The following SLC23A2 variants were observed in gnomAD, a reference collection of about 807,000 sequenced individuals.
SLC23A2 encodes the protein Na(+)/L-ascorbic acid transporter 2.
SLC23A2 carries 36 observed loss-of-function variants against 73.3 expected under a neutral mutation model. The observed-to-expected ratio is 0.49, with a 90% confidence interval of 0.38 to 0.65. The LOEUF is 0.65. SLC23A2 is among the 30% of genes least tolerant of loss of function. The pLI, the probability that SLC23A2 is intolerant of heterozygous loss-of-function variation, is 0.00. For missense variants in SLC23A2, 507 were observed against 841.6 expected (o/e 0.60, Z 4.92); for synonymous variants, 343 against 327.3 (o/e 1.05, Z -0.52).
rs563727065 is a variant in SLC23A2 at position 4,994,709 on chromosome 20, C to A, written c.-282+6697G>T. On this transcript the variant is annotated intron_variant, in intron 1 of 16. Coordinates refer to ENST00000338244, the MANE Select transcript of SLC23A2 (RefSeq NM_005116.6). Reference sequence around the variant, plus strand: ...CCATGAGGCGGAGGTTTCAGTGAGCCGATATCGCACCACTGCACTCCAGCC... The same window carrying A: ...CCATGAGGCGGAGGTTTCAGTGAGCAGATATCGCACCACTGCACTCCAGCC... Among the ~76,000 whole-genome samples the A allele has an allele frequency of 2.4e-4, 37 of 151,662 alleles. No individual in the cohort carries two copies. In the South Asian group the frequency reaches 7.1e-3, roughly 29 times the overall value.
intron 6 of SLC23A2, among the ~76,000 whole-genome samples, chr20:4,890,437 G>A (rs1600103771): frequency 6.6e-6 from 1 of 152,138 alleles, no homozygotes; most frequent in East Asian, 1.9e-4. Flanking sequence ...AGGATAACCT[G>A]AGGTCATGAG....
At chr20:4,925,005 C>T (rs568206818) in intron 3 of SLC23A2, among the ~76,000 whole-genome samples, 49 of 152,082 alleles carry the variant, frequency 3.2e-4, no homozygotes, top group African/African-American at 1.2e-3. Context: ...ATAGTTAAGA[C>T]CTTGTCTCTA....
At chr20:4,992,676 A>T (rs1289989539) in intron 1 of SLC23A2, among the ~76,000 whole-genome samples, 2 of 151,522 alleles carry the variant, frequency 1.3e-5, no homozygotes, top group Non-Finnish European at 2.9e-5. Flanking sequence ...ATGCCGGGCT[A>T]ATTTTGTATT....
intron 2 of SLC23A2, among the ~76,000 whole-genome samples, chr20:4,963,882 A>C (rs72550901): frequency 1.8e-4 from 28 of 152,310 alleles, no homozygotes; most frequent in African/African-American, 6.0e-4. Context: ...CAGAAATAAA[A>C]TAAAATGTAC....
chr20:4,861,106 G>A (rs112864829), intron 15 of SLC23A2, among the ~76,000 whole-genome samples: 6,084 of 152,282 alleles, frequency 0.04, 169 homozygotes, highest in Middle Eastern at 0.058. Flanking sequence ...AACATGCTAA[G>A]TGAAGGAAGC....
At position 4,899,483 on chromosome 20, in the gene SLC23A2, C is replaced by A. The variant is rs1006475791; in HGVS notation, c.482+72G>T. On this transcript the variant is annotated intron_variant, in intron 6 of 16. Transcript: ENST00000338244. The surrounding 1 kb of genome is among the most constrained non-coding windows in gnomAD (Gnocchi z 4.9). ...CTTGCCAACAGCCCTAGGCAAACGG[C>A]GCAGCTCAATGCCTTCTGCGCTCAA... is the stretch of plus-strand genomic sequence containing the variant. 1.4e-5 allele frequency: 21 copies of A among 1,501,422 alleles called. No individual in the cohort carries two copies. Among genetic ancestry groups the A allele is most frequent in the African/African-American group, 4.1e-5 (3 of 72,290 alleles). 93.0% of individuals were successfully genotyped at this position (1,501,422 alleles called of 1,614,324 possible).
At chr20:4,944,085 T>C (rs1333609296) in intron 2 of SLC23A2, among the ~76,000 whole-genome samples, 3 of 152,238 alleles carry the variant, frequency 2.0e-5, no homozygotes, top group Admixed American at 1.3e-4. Context: ...CATTTGGATG[T>C]ATATCCACTT....
At chr20:4,972,873 T>C (rs565742219) in intron 1 of SLC23A2, among the ~76,000 whole-genome samples, 1,518 of 151,630 alleles carry the variant, frequency 0.01, 29 homozygotes, top group East Asian at 0.041. Context: ...CACAAGCCAC[T>C]ATGCCAAGCC....
chr20:4,966,152 G>A (rs1295887442), intron 2 of SLC23A2, among the ~76,000 whole-genome samples: 1 of 152,108 alleles, frequency 6.6e-6, no homozygotes, highest in Non-Finnish European at 1.5e-5. Context: ...ACTGGGGTAG[G>A]GGGCAGCAGG....
chr20:4,959,376 T>C (rs2087343296), intron 2 of SLC23A2, among the ~76,000 whole-genome samples: 1 of 152,208 alleles, frequency 6.6e-6, no homozygotes, highest in Non-Finnish European at 1.5e-5. Context: ...TCATTTCTTA[T>C]CAAGTTAAAC....
chr20:4,864,395 T>C (rs1346580323), intron 13 of SLC23A2, among the ~76,000 whole-genome samples: 1 of 152,172 alleles, frequency 6.6e-6, no homozygotes, highest in Non-Finnish European at 1.5e-5. Context: ...TCTGAGGCTG[T>C]GCACATGAGA....
chr20:4,907,155 A>T (rs1931986221), intron 4 of SLC23A2, among the ~76,000 whole-genome samples: 1 of 152,230 alleles, frequency 6.6e-6, no homozygotes, highest in Non-Finnish European at 1.5e-5. Context: ...GGAAAACAGC[A>T]GCAGCAGGAT....
At chr20:4,904,685 C>A (rs551532268) in intron 4 of SLC23A2, among the ~76,000 whole-genome samples, 116 of 152,328 alleles carry the variant, frequency 7.6e-4, no homozygotes, top group African/African-American at 2.6e-3. Context: ...AGTAACATGA[C>A]AAAGTATTTC....
At chr20:4,901,895 C>T (rs1160906511) in intron 5 of SLC23A2, among the ~76,000 whole-genome samples, 1 of 152,150 alleles carries the variant, frequency 6.6e-6, no homozygotes, top group Non-Finnish European at 1.5e-5. Context: ...AACTCTATTT[C>T]CTTTCCCTTC....
intron 1 of SLC23A2, among the ~76,000 whole-genome samples, chr20:4,976,696 CG>C (rs1568652007): frequency 6.6e-6 from 1 of 151,602 alleles, no homozygotes; most frequent in African/African-American, 2.4e-5. Context: ...GAGAGTCTGC[CG>C]GGCACGGTGA....
chr20:4,884,200 G>A (rs1428350038), intron 8 of SLC23A2, among the ~76,000 whole-genome samples: 1 of 152,182 alleles, frequency 6.6e-6, no homozygotes, highest in African/African-American at 2.4e-5. Flanking sequence ...CCAGGACATC[G>A]ACAAGACAAT....
chr20:4,927,500 T>C (rs973855248), intron 3 of SLC23A2, among the ~76,000 whole-genome samples: 1 of 152,172 alleles, frequency 6.6e-6, no homozygotes, highest in Non-Finnish European at 1.5e-5. Flanking sequence ...AGTGAGTCTT[T>C]ACAGCTCTCC....
intron 8 of SLC23A2, 98 bp downstream of exon 8, chr20:4,884,655 A>C: frequency 1.3e-6 from 1 of 786,590 alleles, no homozygotes; most frequent in Non-Finnish European, 2.3e-6. Context: ...AAAGAAAAGA[A>C]GGGCTCAGTA....
chr20:4,988,305 A>T (rs1455354613), intron 1 of SLC23A2, among the ~76,000 whole-genome samples: 1 of 152,134 alleles, frequency 6.6e-6, no homozygotes, highest in African/African-American at 2.4e-5. Context: ...TCCACCTCAA[A>T]AACAAAAAGT....
Sources: gnomAD v4.1 joint callset for allele counts (sites outside exome capture counted in the v4.1 genomes callset) on GRCh38, gnomAD v4.1.1 for gene constraint, Gnocchi (gnomAD v3.1) non-coding constraint, MANE v1.5 for transcripts, NCBI Gene and HGNC (gene_info 2026-07-23, HGNC 2026-07-21) for gene names.